The following PDZD4 variants were observed in gnomAD, a reference collection of about 807,000 sequenced individuals.
PDZD4 encodes the protein PDZ domain-containing protein 4.
A neutral mutation model predicts 38.5 loss-of-function variants in PDZD4; 9 were observed. The observed-to-expected ratio is 0.23, with a 90% CI of 0.14 to 0.41. PDZD4 has a LOEUF of 0.41. Among genes scored for constraint, PDZD4 ranks in the 10% least tolerant of loss-of-function variants. The probability of loss-of-function intolerance (pLI) is 1.00; values close to 1 mark genes in which losing one functional copy is unlikely to be tolerated. For synonymous variants in PDZD4, 349 were observed against 315.7 expected (o/e 1.11, Z -1.12); for missense variants, 612 against 722.0 (o/e 0.85, Z 1.75).
chrX:153,816,417 G>C (rs982088747), intron 1 of PDZD4, among the ~76,000 whole-genome samples: 3 of 108,965 alleles, frequency 2.8e-5, no homozygotes, highest in African/African-American at 1.0e-4. Context: ...TGGGGCGTGT[G>C]CTGGGGATTC....
At chrX:153,804,926 C>CAGTT (rs1195296703) in intron 7 of PDZD4, 26 bp from the exon 8 acceptor site, 18 of 1,180,063 alleles carry the variant, frequency 1.5e-5, no homozygotes, top group Admixed American at 9.0e-5. Flanking sequence ...AAGTACCGCT[C>CAGTT]AGTTAGGTCC....
At chrX:153,820,349 C>CAAAAAA (rs140401659) in intron 1 of PDZD4, among the ~76,000 whole-genome samples, 1 of 18,229 alleles carries the variant, frequency 5.5e-5, no homozygotes, top group Non-Finnish European at 8.2e-5. Context: ...GACTCCATCT[C>CAAAAAA]AAAAAAAAAA....
chrX:153,824,370 C>T (rs1472238770), intron 1 of PDZD4, among the ~76,000 whole-genome samples: 4 of 111,911 alleles, frequency 3.6e-5, no homozygotes, highest in African/African-American at 9.7e-5. Context: ...TGCTTCTTCC[C>T]CAGTCAGCTT....
chrX:153,821,918 G>A (rs781935815), intron 1 of PDZD4, among the ~76,000 whole-genome samples: 2 of 111,520 alleles, frequency 1.8e-5, no homozygotes, highest in East Asian at 2.8e-4. Context: ...GGCCGGGCGC[G>A]GTGGCTCACG....
At chrX:153,808,073 G>A (rs1603262653) in intron 2 of PDZD4, 1 of 1,061,694 alleles carries the variant, frequency 9.4e-7, no homozygotes. Flanking sequence ...GGAGGAGGAG[G>A]AGCTGAGGCC....
At chrX:153,814,473 AC>A (rs782572040) in intron 1 of PDZD4, among the ~76,000 whole-genome samples, 1 of 40,363 alleles carries the variant, frequency 2.5e-5, no homozygotes, top group Admixed American at 3.3e-4. Flanking sequence ...GACTCCATCC[AC>A]CCCCCACCCC....
Position 153,804,102 on chromosome X carries a change from G to A in PDZD4, c.1579C>T (p.Pro527Ser). The change falls in exon 8 of 8, where the codon CCG (proline) becomes TCG (serine). Residue 527 changes from proline to serine, a missense_variant. Physicochemically the swap from Pro to Ser is moderately conservative, Grantham distance 74. Transcript: ENST00000393758. ...GACCGGAACTTGGCGGGGCTCCCCG[G>A]TGGAGGAGCTGCCTTGGCGGGGGTG... ...VATPAKAAPPPGSPAKFRSLS... is the reference protein window; with the variant it reads ...VATPAKAAPPSGSPAKFRSLS... 8.7e-7 allele frequency: 1 copy of A among 1,153,194 alleles called. No homozygotes were observed. Among genetic ancestry groups the A allele is most frequent in the African/African-American group, 1.8e-5 (1 of 56,419 alleles).
At chrX:153,805,283 G>T (rs1250962077) in intron 6 of PDZD4, 76 bp from the exon 7 acceptor site, 1 of 952,793 alleles carries the variant, frequency 1.0e-6, no homozygotes, top group Non-Finnish European at 1.5e-6. Context: ...TCTGGACCCC[G>T]CACTTGGCTT....
At chrX:153,816,761 C>T (rs1557080061) in intron 1 of PDZD4, among the ~76,000 whole-genome samples, 2 of 111,544 alleles carry the variant, frequency 1.8e-5, no homozygotes, top group Non-Finnish European at 3.8e-5. Context: ...ATGCTTCCTT[C>T]CTTGTAGCGA....
intron 1 of PDZD4, among the ~76,000 whole-genome samples, chrX:153,827,131 T>G (rs1353085971): frequency 1.8e-5 from 2 of 112,011 alleles, no homozygotes; most frequent in Non-Finnish European, 3.8e-5. Flanking sequence ...GAACAGACAT[T>G]TTTCTAAAGA....
At chrX:153,826,438 C>T (rs1557082536) in intron 1 of PDZD4, among the ~76,000 whole-genome samples, 1 of 109,353 alleles carries the variant, frequency 9.1e-6, no homozygotes, top group Non-Finnish European at 1.9e-5. Context: ...AGACAGAGTC[C>T]TGCCCTGTCA....
chrX:153,816,753 G>A (rs1348055376), intron 1 of PDZD4, among the ~76,000 whole-genome samples: 1 of 111,732 alleles, frequency 8.9e-6, no homozygotes, highest in Non-Finnish European at 1.9e-5. Context: ...AACCAGCCAT[G>A]CTTCCTTCCT....
chrX:153,810,372 C>A (rs1557078538), intron 1 of PDZD4, among the ~76,000 whole-genome samples: 1 of 112,472 alleles, frequency 8.9e-6, no homozygotes, highest in Non-Finnish European at 1.9e-5. Context: ...GGACACCTGG[C>A]CTCCATCAGG....
intron 1 of PDZD4, 178 bp downstream of exon 1, chrX:153,830,061 G>A: frequency 1.7e-6 from 1 of 575,955 alleles, no homozygotes; most frequent in Non-Finnish European, 2.5e-6. Context: ...CCCCACCCGT[G>A]GCTGGTTCCC....
At chrX:153,813,992 A>G (rs782059380) in intron 1 of PDZD4, among the ~76,000 whole-genome samples, 59 of 111,717 alleles carry the variant, frequency 5.3e-4, no homozygotes, top group Non-Finnish European at 9.4e-4. Context: ...TGTTGAATAT[A>G]TATTAAGGAC....
At chrX:153,826,397 G>A (rs1412802160) in intron 1 of PDZD4, among the ~76,000 whole-genome samples, 2 of 110,031 alleles carry the variant, frequency 1.8e-5, no homozygotes, top group African/African-American at 6.6e-5. Context: ...CAAGATATAG[G>A]ATCAATGTAT....
At chrX:153,805,990 T>G in intron 5 of PDZD4, 81 bp downstream of exon 5, 1 of 1,052,651 alleles carries the variant, frequency 9.5e-7, no homozygotes. Flanking sequence ...GGGAGAGAGC[T>G]AGGGACTGGC....
At chrX:153,825,467 C>T (rs955377954) in intron 1 of PDZD4, among the ~76,000 whole-genome samples, 4 of 112,338 alleles carry the variant, frequency 3.6e-5, no homozygotes, top group Non-Finnish European at 7.5e-5. Context: ...TGGGGACATG[C>T]TGTTTCCTGC....
chrX:153,814,146 A>G (rs1041306821), intron 1 of PDZD4, among the ~76,000 whole-genome samples: 5 of 110,679 alleles, frequency 4.5e-5, no homozygotes, highest in African/African-American at 1.6e-4. Context: ...GGCATGACCC[A>G]GCCCCTGAGT....
Sources: allele counts gnomAD v4.1 joint callset (sites outside exome capture counted in the v4.1 genomes callset), GRCh38; gene constraint gnomAD v4.1.1; transcripts MANE v1.5; gene names NCBI Gene and HGNC (gene_info 2026-07-23, HGNC 2026-07-21).